The following NUP58 variants were observed in gnomAD, a reference collection of about 807,000 sequenced individuals.
NUP58 encodes nucleoporin 58.
NUP58 carries 17 observed loss-of-function variants against 70.1 expected under a neutral mutation model. The observed-to-expected ratio is 0.24, with a 90% CI of 0.17 to 0.36. The LOEUF (loss-of-function observed/expected upper bound fraction) is 0.36, where lower values mean the gene tolerates loss of function less well. Among genes scored for constraint, NUP58 ranks in the 10% least tolerant of loss-of-function variants. The pLI is 1.00. For synonymous variants in NUP58, 275 were observed against 257.6 expected (o/e 1.07, Z -0.65); for missense variants, 644 against 701.5 (o/e 0.92, Z 0.93).
chr13:25,339,684 G>A (rs1236896983), intron 15 of NUP58, among the ~76,000 whole-genome samples: 1 of 152,176 alleles, frequency 6.6e-6, no homozygotes, highest in East Asian at 1.9e-4. Context: ...TTAATTAACA[G>A]GAAAGTTTCT....
chr13:25,312,788 C>T (rs1410933762), intron 3 of NUP58, 95 bp from the exon 4 acceptor site: 18 of 1,264,048 alleles, frequency 1.4e-5, no homozygotes, highest in Non-Finnish European at 2.0e-5. Flanking sequence ...GTATCATGAA[C>T]TTTTAAGGAT....
intron 3 of NUP58, among the ~76,000 whole-genome samples, chr13:25,349,003 G>A (rs916935549): frequency 1.3e-5 from 2 of 152,098 alleles, no homozygotes; most frequent in African/African-American, 4.8e-5. Context: ...TCTTTTGTCT[G>A]GAGTAACTGT....
chr13:25,301,919 C>G, intron 1 of NUP58, 39 bp downstream of exon 1: 1 of 1,293,210 alleles, frequency 7.7e-7, no homozygotes. Flanking sequence ...CGGATTCACC[C>G]CCACCCCCAC....
intron 2 of NUP58, among the ~76,000 whole-genome samples, chr13:25,308,909 TAA>T (rs1378183727): frequency 6.6e-6 from 1 of 152,232 alleles, no homozygotes; most frequent in Non-Finnish European, 1.5e-5. Flanking sequence ...ACTACAGGAA[TAA>T]ATATGAGCAG....
chr13:25,326,859 AT>A (rs1269715198), intron 10 of NUP58, 56 bp from the exon 11 acceptor site: 40 of 927,770 alleles, frequency 4.3e-5, no homozygotes, highest in Admixed American at 6.6e-5. Context: ...CTTAATTTGG[AT>A]TTGTCACTCC....
At chr13:25,336,623 T>G (rs1207652644) in intron 13 of NUP58, among the ~76,000 whole-genome samples, 4 of 152,210 alleles carry the variant, frequency 2.6e-5, no homozygotes, top group Non-Finnish European at 5.9e-5. Flanking sequence ...TGATAATTTA[T>G]GATACATTAA....
In NUP58 at chr13:25,301,738, T is replaced by G; in HGVS notation, c.-36T>G. ...AGGCGAGAGAAGTGTCCCAGACCCA[T>G]TTCGCCTTGCTGACGGCGTCGAGCC... On this transcript the variant is annotated 5_prime_UTR_variant, in exon 1 of 16. Coordinates refer to ENST00000381736, the MANE Select transcript of NUP58 (RefSeq NM_014089.4). 1 of 1,377,576 alleles carries G rather than the reference T, an allele frequency of 7.3e-7. No individual in the cohort carries two copies. The highest frequency in any genetic ancestry group is 1.0e-6 in the Non-Finnish European group (1 of 985,928). The allele number at this position is 1,377,576 out of a possible 1,614,324, so 85.3% of individuals were successfully genotyped here.
At chr13:25,316,023 G>T (rs534648432) in intron 6 of NUP58, among the ~76,000 whole-genome samples, 1 of 152,200 alleles carries the variant, frequency 6.6e-6, no homozygotes, top group Non-Finnish European at 1.5e-5. Flanking sequence ...AGACATGTAG[G>T]TGTCTCCTTT....
chr13:25,343,805 G>GTATATATATA (rs59054918), downstream of NUP58, among the ~76,000 whole-genome samples: 12 of 137,654 alleles, frequency 8.7e-5, no homozygotes, highest in East Asian at 1.7e-3. Context: ...ACATATATAT[G>GTATATATATA]TATATATATA....
At chr13:25,323,607 A>G (rs2031277951) in intron 9 of NUP58, among the ~76,000 whole-genome samples, 1 of 152,188 alleles carries the variant, frequency 6.6e-6, no homozygotes, top group Admixed American at 6.5e-5. Context: ...TCTTCAAAGA[A>G]AGCCTTTCTG....
chr13:25,331,289 A>G, intron 12 of NUP58, 68 bp from the exon 13 acceptor site: 1 of 1,408,932 alleles, frequency 7.1e-7, no homozygotes, highest in Non-Finnish European at 1.0e-6. Context: ...TTATGGTTAT[A>G]TTCATCCACA....
chr13:25,323,573 A>G (rs1157971557), intron 9 of NUP58, among the ~76,000 whole-genome samples: 1 of 152,200 alleles, frequency 6.6e-6, no homozygotes, highest in Non-Finnish European at 1.5e-5. Flanking sequence ...TAAAGTATCA[A>G]TCTTATTTAA....
intron 8 of NUP58, 140 bp from the exon 9 acceptor site, chr13:25,320,779 A>G: frequency 1.4e-6 from 1 of 732,102 alleles, no homozygotes; most frequent in Non-Finnish European, 2.1e-6. Flanking sequence ...TATAACTTCC[A>G]TTCTGTAAAA....
In NUP58 at chr13:25,325,085, T is replaced by G; in HGVS notation, c.1031+17T>G. On this transcript the variant is annotated intron_variant, in intron 10 of 15. Coordinates refer to ENST00000381736, the MANE Select transcript of NUP58 (RefSeq NM_014089.4). The stretch of plus-strand genomic sequence containing the variant: ...TCCTGCTGAGTAAGTTGCTGGATTT[T>G]TAAAAACAAATGTTTCTCACTTTCA... 6.4e-7 allele frequency: 1 copy of G among 1,562,374 alleles called. No individual in the cohort carries two copies. The highest frequency in any genetic ancestry group is 8.8e-7 in the Non-Finnish European group (1 of 1,139,988).
chr13:25,343,143 G>GTT (rs1338409800), downstream of NUP58, among the ~76,000 whole-genome samples: 4 of 151,896 alleles, frequency 2.6e-5, no homozygotes, highest in Admixed American at 2.6e-4. Context: ...CGCTGACCCA[G>GTT]TTTGTAGCCT....
intron 3 of NUP58, among the ~76,000 whole-genome samples, chr13:25,349,201 T>TG (rs2032081016): frequency 6.6e-6 from 1 of 152,232 alleles, no homozygotes; most frequent in Admixed American, 6.5e-5. Flanking sequence ...TGTCTTAGTT[T>TG]GGGTTTATTT....
intron 9 of NUP58, among the ~76,000 whole-genome samples, chr13:25,321,714 C>G (rs1009095821): frequency 6.6e-6 from 1 of 152,078 alleles, no homozygotes; most frequent in Non-Finnish European, 1.5e-5. Context: ...GTCAGGAGTT[C>G]GAGACCAGTC....
chr13:25,315,618 A>G (rs559332229), intron 6 of NUP58, 151 bp downstream of exon 6: 13 of 580,080 alleles, frequency 2.2e-5, no homozygotes, highest in Middle Eastern at 3.6e-4. Context: ...GTATTTTTTA[A>G]TAGGGATCAT....
downstream of NUP58, among the ~76,000 whole-genome samples, chr13:25,346,579 G>A (rs1230730697): frequency 2.0e-5 from 3 of 152,054 alleles, no homozygotes; most frequent in South Asian, 4.2e-4. Context: ...AATTAGCCAG[G>A]TGTGGTGGCA....
Sources: allele counts gnomAD v4.1 joint callset (sites outside exome capture counted in the v4.1 genomes callset), GRCh38; gene constraint gnomAD v4.1.1; transcripts MANE v1.5; gene names NCBI Gene and HGNC (gene_info 2026-07-23, HGNC 2026-07-21).